Variants in TMEM117 observed in about 807,000 individuals in gnomAD.
TMEM117 encodes transmembrane protein 117.
Under a neutral mutation model 52.4 loss-of-function variants are expected in TMEM117, and 27 were observed. The ratio of observed to expected loss-of-function variants is 0.51; its 90% CI spans 0.38 to 0.71. The LOEUF is 0.71. TMEM117 is among the 30% of genes least tolerant of loss of function. TMEM117 has a pLI of 0.00. For synonymous variants in TMEM117, 215 were observed against 206.3 expected (o/e 1.04, Z -0.36); for missense variants, 556 against 630.5 (o/e 0.88, Z 1.26).
chr12:44,282,977 C>T (rs1176957658), intron 5 of TMEM117, among the ~76,000 whole-genome samples: 3 of 152,264 alleles, frequency 2.0e-5, no homozygotes, highest in Non-Finnish European at 4.4e-5. Flanking sequence ...GGCCAATGTC[C>T]AGCTCAGGCT....
intron 6 of TMEM117, among the ~76,000 whole-genome samples, chr12:44,374,662 G>T (rs1951916273): frequency 6.6e-6 from 1 of 151,210 alleles, no homozygotes; most frequent in African/African-American, 2.4e-5. Context: ...GTGTATGTGT[G>T]TGTATGAGAT....
At chr12:44,031,824 CTT>C (rs1306712837) in intron 3 of TMEM117, among the ~76,000 whole-genome samples, 2 of 152,118 alleles carry the variant, frequency 1.3e-5, no homozygotes, top group Admixed American at 1.3e-4. Flanking sequence ...AATCTGATTC[CTT>C]TTATAACAGG....
rs1947970293 is a variant in TMEM117, at chr12:44,107,166, C to T, written c.411-36359C>T. Among the ~76,000 whole-genome samples the T allele has an allele frequency of 1.3e-5, 2 of 152,028 alleles. 1 individual carries two copies. Among genetic ancestry groups the T allele is most frequent in the South Asian group, 4.1e-4 (2 of 4,830 alleles). ...TTCTCAAAATAACCTTATATATAAA[C>T]TATCATCAATTTCTACTGTAAAACT... On this transcript the variant is annotated intron_variant, in intron 3 of 7. Coordinates refer to ENST00000266534, the MANE Select transcript of TMEM117 (RefSeq NM_032256.3).
chr12:43,955,395 A>G (rs563178523), intron 3 of TMEM117, among the ~76,000 whole-genome samples: 4 of 152,334 alleles, frequency 2.6e-5, no homozygotes, highest in South Asian at 2.1e-4. Flanking sequence ...TAGAAACCCT[A>G]TCATCTCAGC....
At chr12:43,805,936 G>C in the TMEM117 span, 3 of 1,527,718 alleles carry the variant, frequency 2.0e-6, no homozygotes, top group Non-Finnish European at 2.6e-6. Context: ...ACGGTGGAAG[G>C]CACGCCCCCT....
intron 6 of TMEM117, among the ~76,000 whole-genome samples, chr12:44,368,074 T>G (rs923174428): frequency 2.6e-5 from 4 of 152,136 alleles, no homozygotes; most frequent in African/African-American, 9.7e-5. Context: ...CCTCAGGGCC[T>G]TTGTACTTGC....
chr12:44,154,771 A>T (rs1362896692), intron 4 of TMEM117, among the ~76,000 whole-genome samples: 2 of 151,500 alleles, frequency 1.3e-5, no homozygotes, highest in Non-Finnish European at 2.9e-5. Context: ...TATCTAAAAA[A>T]AAAAACCCCT....
At chr12:43,865,001 C>T (rs139428281) in intron 2 of TMEM117, among the ~76,000 whole-genome samples, 2,368 of 152,144 alleles carry the variant, frequency 0.016, 32 homozygotes, top group East Asian at 0.046. Flanking sequence ...TAACACTCAC[C>T]GTGAAGGTCT....
intron 5 of TMEM117, among the ~76,000 whole-genome samples, chr12:44,221,813 C>T (rs1268135192): frequency 6.6e-6 from 1 of 152,038 alleles, no homozygotes; most frequent in Admixed American, 6.6e-5. Flanking sequence ...ATTCTCCTAC[C>T]TCAGCCTCCC....
intron 2 of TMEM117, among the ~76,000 whole-genome samples, chr12:43,921,038 T>C (rs965639576): frequency 1.3e-5 from 2 of 152,154 alleles, no homozygotes; most frequent in Non-Finnish European, 2.9e-5. Context: ...TATAAACTTG[T>C]CTACCCTTCT....
At chr12:44,142,468 G>T (rs1948584290) in intron 3 of TMEM117, among the ~76,000 whole-genome samples, 1 of 147,842 alleles carries the variant, frequency 6.8e-6, no homozygotes, top group African/African-American at 2.4e-5. Context: ...AATAACTCCA[G>T]AAAAGAAAAG....
At chr12:44,229,565 C>T (rs1413013443) in intron 5 of TMEM117, among the ~76,000 whole-genome samples, 1 of 152,074 alleles carries the variant, frequency 6.6e-6, no homozygotes, top group East Asian at 1.9e-4. Flanking sequence ...GATTTTGGAA[C>T]AATTCACTTC....
intron 3 of TMEM117, among the ~76,000 whole-genome samples, chr12:44,006,767 C>A (rs1407930002): frequency 6.6e-6 from 1 of 152,016 alleles, no homozygotes; most frequent in East Asian, 1.9e-4. Context: ...ATAAAATATT[C>A]ACTATGTGTA....
At chr12:44,008,067 C>G (rs1010200992) in intron 3 of TMEM117, among the ~76,000 whole-genome samples, 3 of 152,180 alleles carry the variant, frequency 2.0e-5, no homozygotes, top group African/African-American at 7.2e-5. Context: ...AAGCCTCCAT[C>G]CAGTCTACAT....
chr12:44,152,298 ATATT>A (rs932096554), intron 4 of TMEM117, among the ~76,000 whole-genome samples: 9 of 109,676 alleles, frequency 8.2e-5, no homozygotes, highest in African/African-American at 2.3e-4. Context: ...TATATTTATA[ATATT>A]TATATATAAT....
intron 4 of TMEM117, among the ~76,000 whole-genome samples, chr12:44,168,475 T>G (rs914606542): frequency 1.4e-4 from 21 of 149,354 alleles, no homozygotes; most frequent in African/African-American, 5.4e-4. Flanking sequence ...ATTTACTCCT[T>G]TTTATTAAAA....
intron 6 of TMEM117, among the ~76,000 whole-genome samples, chr12:44,314,489 C>T (rs1951029554): frequency 6.6e-6 from 1 of 150,428 alleles, no homozygotes; most frequent in Admixed American, 6.6e-5. Context: ...TGCTGGATTT[C>T]ATTTGGCAGT....
At chr12:44,204,762 A>G (rs1949542609) in intron 4 of TMEM117, among the ~76,000 whole-genome samples, 1 of 152,122 alleles carries the variant, frequency 6.6e-6, no homozygotes, top group Non-Finnish European at 1.5e-5. Context: ...ACCTACAACC[A>G]TCTGATCTTC....
At chr12:43,999,313 T>C (rs1946079792) in intron 3 of TMEM117, among the ~76,000 whole-genome samples, 1 of 152,328 alleles carries the variant, frequency 6.6e-6, no homozygotes, top group East Asian at 1.9e-4. Context: ...TTAAAATGCA[T>C]ATAAATAGAA....
Sources: gnomAD v4.1 joint callset for allele counts (sites outside exome capture counted in the v4.1 genomes callset) on GRCh38, gnomAD v4.1.1 for gene constraint, MANE v1.5 for transcripts, NCBI Gene and HGNC (gene_info 2026-07-23, HGNC 2026-07-21) for gene names.